The following CLTCL1 variants were observed in gnomAD, a reference collection of about 807,000 sequenced individuals.
CLTCL1 encodes clathrin heavy chain 2.
A neutral mutation model predicts 190.0 loss-of-function variants in CLTCL1; 159 were observed. The observed-to-expected ratio is 0.84, with a 90% CI of 0.74 to 0.95. The LOEUF is 0.95. Among genes scored for constraint, CLTCL1 ranks in the 40% least tolerant of loss-of-function variants. CLTCL1 has a pLI of 0.00. For missense variants in CLTCL1, 1,878 were observed against 2,033.4 expected, an observed-to-expected ratio of 0.92 and a Z score of 1.47; for synonymous variants, 752 against 769.6, an observed-to-expected ratio of 0.98 and a Z score of 0.38.
chr22:19,261,665 A>G (rs1157758068), intron 2 of CLTCL1, among the ~76,000 whole-genome samples: 1 of 152,186 alleles, frequency 6.6e-6, no homozygotes, highest in African/African-American at 2.4e-5. Context: ...TAGAAACAGC[A>G]AGAGAATTAG....
intron 4 of CLTCL1, among the ~76,000 whole-genome samples, chr22:19,240,313 A>G (rs959401531): frequency 1.3e-5 from 2 of 152,196 alleles, no homozygotes; most frequent in African/African-American, 4.8e-5. Flanking sequence ...CAAGTCCACA[A>G]CAAAATCCAA....
intron 23 of CLTCL1, among the ~76,000 whole-genome samples, chr22:19,200,262 C>T (rs1462637419): frequency 1.3e-5 from 2 of 152,168 alleles, no homozygotes; most frequent in African/African-American, 2.4e-5. Flanking sequence ...CTGCACTGTA[C>T]AGTATGTATA....
intron 1 of CLTCL1, among the ~76,000 whole-genome samples, chr22:19,279,253 A>G (rs2087622145): frequency 6.6e-6 from 1 of 151,734 alleles, no homozygotes; most frequent in African/African-American, 2.4e-5. Flanking sequence ...CTCCTGCCTC[A>G]CCCTCCCGAG....
At chr22:19,253,702 C>G (rs1311973648) in intron 3 of CLTCL1, among the ~76,000 whole-genome samples, 2 of 149,354 alleles carry the variant, frequency 1.3e-5, no homozygotes, top group African/African-American at 4.9e-5. Context: ...TACCTATAAC[C>G]AACTTTTTTT....
chr22:19,208,966 T>C lies in CLTCL1; in HGVS notation c.3398A>G (p.Asp1133Gly), dbSNP rs1472499316. The C allele has an allele frequency of 1.9e-6, 3 of 1,611,288 alleles. No homozygotes were observed. The African/African-American group carries it at 4.0e-5, about 22-fold the overall frequency. ...AACAACTTCCAGGTAAGAGGAAGGG[T>C]CGTCCCCTCTGATATAGGAGTTGAT... is the stretch of plus-strand genomic sequence containing the variant. ...EAINSYIRGD[D>G]PSSYLEVVQS... Residue 1133 changes from aspartate to glycine, a missense_variant, in exon 21 of 33, where the codon GAC (aspartate) becomes GGC (glycine). Transcript: ENST00000427926.
chr22:19,285,072 G>A (rs1010385990), intron 1 of CLTCL1, among the ~76,000 whole-genome samples: 17 of 152,248 alleles, frequency 1.1e-4, no homozygotes, highest in Non-Finnish European at 2.2e-4. Context: ...TCAGGAGATC[G>A]AGACCATCCT....
Position 19,235,780 on chromosome 22 carries a change from C to T in CLTCL1, c.885G>A (p.Met295Ile). ...YDLESGVCIC[M>I]NRISADTIFV... ...ATATTGTGTCAGCACTAATACGGTT[C>T]ATGCAGATGCACACGCCAGACTCTA... The change falls in exon 6 of 33, where the codon ATG (methionine) becomes ATA (isoleucine). Residue 295 changes from methionine (M) to isoleucine (I), a missense_variant. Coordinates refer to ENST00000427926, the MANE Select transcript of CLTCL1 (RefSeq NM_007098.4). 6.2e-7 allele frequency: 1 copy of T among 1,613,948 alleles called. No homozygotes were observed. The highest frequency in any genetic ancestry group is 8.5e-7 in the Non-Finnish European group (1 of 1,179,858).
chr22:19,188,067 G>C lies in CLTCL1; in HGVS notation c.4348C>G (p.Pro1450Ala), dbSNP rs535724317. The C allele has an allele frequency of 4.3e-5, 70 of 1,613,912 alleles. No individual in the cohort carries two copies. Among genetic ancestry groups the C allele is most frequent in the Admixed American group, 6.7e-5 (4 of 60,012 alleles). The change falls in exon 28 of 33, where the codon CCT (proline) becomes GCT (alanine). Residue 1450 changes from proline to alanine, a missense_variant. By Grantham distance (27) the Pro-to-Ala change is conservative. Coordinates refer to ENST00000427926, the MANE Select transcript of CLTCL1 (RefSeq NM_007098.4). ...TGGCTCTGGACTGACCGCAGGTAAG[G>C]CTTCACCAGGGGCAGCTGACCTGCC... ...SKAGQLPLVK[P>A]YLRSVQSHNN...
At chr22:19,256,165 TC>T (rs1555972348) in intron 2 of CLTCL1, among the ~76,000 whole-genome samples, 42 of 151,912 alleles carry the variant, frequency 2.8e-4, no homozygotes, top group Admixed American at 7.9e-4. Flanking sequence ...TTTCTTTCTT[TC>T]TTTTTAATAG....
chr22:19,244,971 A>T (rs549108634), intron 3 of CLTCL1, among the ~76,000 whole-genome samples: 2 of 152,292 alleles, frequency 1.3e-5, no homozygotes, highest in African/African-American at 4.8e-5. Flanking sequence ...TGCAATACAG[A>T]GTGCTGATTG....
At chr22:19,193,458 G>A (rs1433911747) in intron 26 of CLTCL1, among the ~76,000 whole-genome samples, 1 of 152,168 alleles carries the variant, frequency 6.6e-6, no homozygotes, top group Non-Finnish European at 1.5e-5. Context: ...AGACAGGATG[G>A]GGTGAGTCCA....
intron 2 of CLTCL1, chr22:19,258,859 C>A: frequency 1.9e-6 from 1 of 527,392 alleles, no homozygotes; most frequent in East Asian, 3.5e-5. Context: ...AAAAAGTTCA[C>A]AGGTTAAAAA....
In CLTCL1 at chr22:19,194,124, T is replaced by C. The variant is rs190908670; in HGVS notation, c.4191+2142A>G. Among the ~76,000 whole-genome samples, 274 of 152,230 alleles carry C rather than the reference T, an allele frequency of 1.8e-3. 1 individual carries two copies. The highest frequency in any genetic ancestry group is 6.5e-3 in the African/African-American group (268 of 41,528). On this transcript the variant is annotated intron_variant, in intron 26 of 32. Coordinates refer to ENST00000427926, the MANE Select transcript of CLTCL1 (RefSeq NM_007098.4). ...GCTGATTGGTACGTTTTTTACAGAG[T>C]GCTGATTGGTGCATTTACAATCCTT...
chr22:19,253,119 ACTT>A (rs1242838396), intron 3 of CLTCL1, among the ~76,000 whole-genome samples: 3 of 152,172 alleles, frequency 2.0e-5, no homozygotes, highest in African/African-American at 4.8e-5. Flanking sequence ...TCTAAGAACT[ACTT>A]CTTTTTTTTC....
At chr22:19,180,931 G>A in intron 30 of CLTCL1, 125 bp from the exon 31 acceptor site, 1 of 789,616 alleles carries the variant, frequency 1.3e-6, no homozygotes, top group Non-Finnish European at 2.2e-6. Flanking sequence ...AGGTGCACAT[G>A]GGCAGATGTG....
intron 1 of CLTCL1, among the ~76,000 whole-genome samples, chr22:19,289,276 C>T (rs1234104662): frequency 1.3e-5 from 2 of 152,214 alleles, no homozygotes; most frequent in African/African-American, 4.8e-5. Flanking sequence ...AGCCACCATG[C>T]TCGGCCTGAT....
chr22:19,226,066 T>C (rs2085732527), intron 12 of CLTCL1, among the ~76,000 whole-genome samples, 153 bp downstream of exon 12: 1 of 152,208 alleles, frequency 6.6e-6, no homozygotes. Flanking sequence ...TGGGCTGAAT[T>C]AGAACTGCTT....
At chr22:19,250,914 A>C (rs2086572671) in intron 3 of CLTCL1, among the ~76,000 whole-genome samples, 1 of 151,950 alleles carries the variant, frequency 6.6e-6, no homozygotes. Flanking sequence ...AAGTATAAGT[A>C]CTCCAACTTT....
At chr22:19,278,784 C>T (rs1223179707) in intron 1 of CLTCL1, among the ~76,000 whole-genome samples, 2 of 152,224 alleles carry the variant, frequency 1.3e-5, no homozygotes, top group East Asian at 1.9e-4. Flanking sequence ...CCCTGTCCCC[C>T]AGGCTGGAGT....
Sources: allele counts gnomAD v4.1 joint callset (sites outside exome capture counted in the v4.1 genomes callset), GRCh38; gene constraint gnomAD v4.1.1; transcripts MANE v1.5; gene names NCBI Gene and HGNC (gene_info 2026-07-23, HGNC 2026-07-21).